NUP62CL: variants seen among roughly 807,000 people sequenced by gnomAD.
The protein encoded by NUP62CL is nucleoporin 62 C-terminal like, also known as nucleoporin-62 C-terminal-like protein.
NUP62CL carries 13 observed loss-of-function variants against 15.3 expected under a neutral mutation model. The observed-to-expected ratio is 0.85, with a 90% CI of 0.55 to 1.35. The LOEUF is 1.35. NUP62CL is among the 40% of genes most tolerant of loss of function. The pLI is 0.00. For missense variants in NUP62CL, 123 were observed against 130.6 expected (o/e 0.94, Z 0.28); for synonymous variants, 54 against 49.2 (o/e 1.10, Z -0.41).
intron 2 of NUP62CL, among the ~76,000 whole-genome samples, chrX:107,189,918 AAAGAAAGAAAGAAAGAAAGAAAGAAAG>A (rs1927191310): frequency 1.9e-5 from 2 of 106,628 alleles, no homozygotes; most frequent in African/African-American, 7.0e-5. Context: ...AGAAAGAAAG[AAAGAAAGAAAGAAAGAAAGAAAGAAAG>A]AGAATCGATA....
chrX:107,128,654 A>C (rs1252402454), intron 8 of NUP62CL, among the ~76,000 whole-genome samples: 1 of 111,894 alleles, frequency 8.9e-6, no homozygotes, highest in Non-Finnish European at 1.9e-5. Context: ...GAGCCAAGGC[A>C]GTCAAGGAAG....
chrX:107,126,741 AAAC>A (rs1439034172), intron 8 of NUP62CL, among the ~76,000 whole-genome samples: 2 of 112,654 alleles, frequency 1.8e-5, no homozygotes, highest in East Asian at 5.5e-4. Flanking sequence ...ATATTTTAAA[AAAC>A]AACAAGAGGC....
chrX:107,167,622 T>C (rs1236712084), intron 4 of NUP62CL, 27 bp downstream of exon 4: 1 of 1,048,921 alleles, frequency 9.5e-7, no homozygotes, highest in Non-Finnish European at 1.3e-6. Flanking sequence ...ATGAAACACA[T>C]GCAAGTTTTT....
chrX:107,167,737 T>C lies in NUP62CL; in HGVS notation c.106A>G (p.Thr36Ala), dbSNP rs759016797. 1.7e-6 allele frequency: 2 copies of C among 1,201,552 alleles called. No individual in the cohort carries two copies. ...ACAGTAAAGCCACTGGTGATTGTGG[T>C]AGTAGTGTTGGTGGTGAAAGTGGCG... ...TTATFTTNTT[T>A]TITSGFTVNQ... Residue 36 changes from threonine (T) to alanine (A), a missense_variant, in exon 4 of 9, where the codon ACC becomes GCC. Physicochemically the swap from Thr to Ala is moderately conservative, Grantham distance 58. Coordinates refer to ENST00000372466, the MANE Select transcript of NUP62CL (RefSeq NM_017681.3).
intron 4 of NUP62CL, among the ~76,000 whole-genome samples, chrX:107,160,496 T>G (rs1454565435): frequency 9.2e-6 from 1 of 108,597 alleles, no homozygotes; most frequent in Non-Finnish European, 1.9e-5. Context: ...AACTACCTGA[T>G]CTTTGACAAA....
chrX:107,138,716 T>A (rs967130932), intron 8 of NUP62CL, among the ~76,000 whole-genome samples: 11 of 111,939 alleles, frequency 9.8e-5, no homozygotes, highest in African/African-American at 3.6e-4. Flanking sequence ...GGGGGATACA[T>A]AAAATGGTAC....
intron 2 of NUP62CL, among the ~76,000 whole-genome samples, 151 bp from the exon 3 acceptor site, chrX:107,175,344 A>G (rs764018482): frequency 8.9e-6 from 1 of 112,413 alleles, no homozygotes; most frequent in South Asian, 3.7e-4. Context: ...AGACAGAGTA[A>G]AAGCTTGATT....
chrX:107,204,860 T>C (rs868315563), intron 1 of NUP62CL, among the ~76,000 whole-genome samples: 3 of 80,171 alleles, frequency 3.7e-5, no homozygotes, highest in African/African-American at 7.4e-5. Context: ...TTAAATAAAT[T>C]TTAAATAAAT....
chrX:107,160,319 A>G (rs1285599), intron 4 of NUP62CL, among the ~76,000 whole-genome samples: 27,861 of 96,834 alleles, frequency 0.29, 5,646 homozygotes, highest in African/African-American at 0.67. Flanking sequence ...AGCCCGCATC[A>G]CCAAGTCAAT....
intron 2 of NUP62CL, among the ~76,000 whole-genome samples, chrX:107,179,329 G>A (rs1055092013): frequency 9.0e-6 from 1 of 110,802 alleles, no homozygotes; most frequent in African/African-American, 3.3e-5. Flanking sequence ...TTGCATAATA[G>A]TGGGGGTTGG....
At chrX:107,150,061 C>A (rs1431733873) in intron 7 of NUP62CL, among the ~76,000 whole-genome samples, 1 of 111,672 alleles carries the variant, frequency 9.0e-6, no homozygotes, top group Non-Finnish European at 1.9e-5. Flanking sequence ...CAGGTGTAAA[C>A]CTAATAACCA....
At chrX:107,124,845 A>G (rs1250853177) in intron 8 of NUP62CL, among the ~76,000 whole-genome samples, 1 of 111,721 alleles carries the variant, frequency 9.0e-6, no homozygotes, top group African/African-American at 3.2e-5. Flanking sequence ...TGCTAGTAAA[A>G]CTAAGCTGTT....
At chrX:107,156,005 A>C (rs913731832) in intron 4 of NUP62CL, among the ~76,000 whole-genome samples, 3 of 111,645 alleles carry the variant, frequency 2.7e-5, no homozygotes, top group Non-Finnish European at 5.7e-5. Context: ...TTCCGAGTCA[A>C]AGAAAGGGGT....
intron 1 of NUP62CL, among the ~76,000 whole-genome samples, chrX:107,204,306 A>G (rs1381085252): frequency 1.8e-5 from 2 of 111,485 alleles, no homozygotes; most frequent in Non-Finnish European, 3.8e-5. Flanking sequence ...ATCCTGGGAA[A>G]GTCACAGAAC....
At chrX:107,194,305 T>C (rs1296423253) in intron 1 of NUP62CL, among the ~76,000 whole-genome samples, 2 of 111,483 alleles carry the variant, frequency 1.8e-5, no homozygotes, top group Admixed American at 9.6e-5. Flanking sequence ...TACAATATAT[T>C]GAAACCCTAT....
chrX:107,123,706 C>T lies in NUP62CL; in HGVS notation c.*669G>A, dbSNP rs1408476263. The T allele has an allele frequency of 9.0e-6, 1 of 111,636 alleles. No homozygotes were observed. Among genetic ancestry groups the T allele is most frequent in the Non-Finnish European group, 1.9e-5 (1 of 53,082 alleles). The allele number at this position is 111,636 out of a possible 1,213,427, so 9.2% of individuals were successfully genotyped here. ...AATAACCAAATTCCTTGAAACTTAC[C>T]TTTCCTTAACCCTTTAATAATAATC... On this transcript the variant is annotated 3_prime_UTR_variant, in exon 9 of 9. Transcript: ENST00000372466.
intron 8 of NUP62CL, among the ~76,000 whole-genome samples, chrX:107,127,343 G>A (rs1925413627): frequency 2.7e-5 from 3 of 111,454 alleles, no homozygotes; most frequent in South Asian, 7.4e-4. Context: ...AAATTTTGGC[G>A]GTAAAAAAAG....
chrX:107,189,877 AAAAGAAAG>A (rs55670914), intron 2 of NUP62CL, among the ~76,000 whole-genome samples: 3,147 of 55,734 alleles, frequency 0.056, 150 homozygotes, highest in Middle Eastern at 0.12. Flanking sequence ...AAAAAGAAAG[AAAAGAAAG>A]AAAGAAAGAA....
chrX:107,172,329 A>G (rs187427285), intron 3 of NUP62CL, among the ~76,000 whole-genome samples: 97 of 109,559 alleles, frequency 8.9e-4, no homozygotes, highest in African/African-American at 2.9e-3. Flanking sequence ...ACTGTATCTT[A>G]AAAAAAAAGG....
Sources: allele counts gnomAD v4.1 joint callset (sites outside exome capture counted in the v4.1 genomes callset), GRCh38; gene constraint gnomAD v4.1.1; transcripts MANE v1.5; gene names NCBI Gene and HGNC (gene_info 2026-07-23, HGNC 2026-07-21).